Variants in PCDHGA4 observed in about 807,000 individuals in gnomAD.
PCDHGA4 encodes the protein protocadherin gamma-A4.
PCDHGA4 carries 38 observed loss-of-function variants against 54.6 expected under a neutral mutation model. That is an observed-to-expected ratio of 0.70 (90% CI 0.54 to 0.91). The LOEUF (loss-of-function observed/expected upper bound fraction) is 0.91. PCDHGA4 is among the 40% of genes least tolerant of loss of function. The probability of loss-of-function intolerance (pLI) is 0.00; values close to 1 mark genes in which losing one functional copy is unlikely to be tolerated. For missense variants in PCDHGA4, 1,298 were observed against 1,220.9 expected (o/e 1.06, Z -0.94); for synonymous variants, 511 against 512.9 (o/e 1.00, Z 0.05).
chr5:141,482,753 G>A (rs2154579665), intron 1 of PCDHGA4, among the ~76,000 whole-genome samples: 1 of 127,136 alleles, frequency 7.9e-6, no homozygotes. Context: ...GAGGGATTAT[G>A]GTATTTCATT....
chr5:141,478,038 G>A lies in PCDHGA4; in HGVS notation c.2515-16769G>A, dbSNP rs1401384720. ...CCAGTCCAAGACACAGATTCACCCA[G>A]GCAGACTCTCACGGTCTTGATCAAA... On this transcript the variant is annotated intron_variant, in intron 1 of 3. Transcript: ENST00000571252. 8 of 1,614,006 alleles carry A rather than the reference G, an allele frequency of 5.0e-6. No homozygotes were observed. In the African/African-American group the frequency reaches 1.1e-4, roughly 22 times the overall value.
chr5:141,415,585 C>G (rs1589974529), intron 1 of PCDHGA4: 5 of 1,613,900 alleles, frequency 3.1e-6, no homozygotes, highest in Non-Finnish European at 3.4e-6. Context: ...TTCGAAGTTT[C>G]CTATAGAGGA....
chr5:141,415,752 T>G lies in PCDHGA4; in HGVS notation c.2514+58131T>G, dbSNP rs981275270. ...GATGTTTATTAAGGTTTTTTTTTTT[T>G]TTTTTTTTTTTTTTTTTTTTACTTT... On this transcript the variant is annotated intron_variant, in intron 1 of 3. Transcript: ENST00000571252. 5.6e-5 allele frequency: 77 copies of G among 1,372,446 alleles called. No individual in the cohort carries two copies. In the East Asian group the frequency reaches 6.8e-4, roughly 12 times the overall value. 85.0% of individuals were successfully genotyped at this position (1,372,446 alleles called of 1,614,324 possible).
At chr5:141,386,031 T>C (rs1010302626) in intron 1 of PCDHGA4, 2 of 152,232 alleles carry the variant, frequency 1.3e-5, no homozygotes, top group Non-Finnish European at 1.5e-5. Flanking sequence ...ATTTGTGACA[T>C]AGGCAATTAC....
intron 1 of PCDHGA4, chr5:141,370,796 C>A (rs1460787163): frequency 6.2e-7 from 1 of 1,614,006 alleles, no homozygotes; most frequent in Non-Finnish European, 8.5e-7. Flanking sequence ...CGACCTTTAG[C>A]CAAAATATCA....
At chr5:141,441,196 G>C (rs575668023) in intron 1 of PCDHGA4, 2 of 152,266 alleles carry the variant, frequency 1.3e-5, no homozygotes, top group East Asian at 3.9e-4. Flanking sequence ...GATTCCCAAA[G>C]ATTCTGCACC....
In PCDHGA4 at chr5:141,375,116, C is replaced by G. The variant is rs754682469; in HGVS notation, c.2514+17495C>G. On this transcript the variant is annotated intron_variant, in intron 1 of 3. Coordinates refer to ENST00000571252, the MANE Select transcript of PCDHGA4 (RefSeq NM_018917.4). ...TATCTTGGATGTCAATGATAATGTA[C>G]CAGAAGTGGTTGTTACATCTGGAAG... 4 of 1,613,768 alleles carry G rather than the reference C, an allele frequency of 2.5e-6. No individual in the cohort carries two copies. The highest frequency in any genetic ancestry group is 3.4e-6 in the Non-Finnish European group (4 of 1,179,904).
chr5:141,490,151 T>C lies in PCDHGA4; in HGVS notation c.2515-4656T>C, dbSNP rs1449636059. The stretch of plus-strand genomic sequence containing the variant: ...GACCCTAGCAGTGGGGCAATCCATG[T>C]GTTGGGTCCCATAGACTTTGAGGAG... On this transcript the variant is annotated intron_variant, in intron 1 of 3. Transcript: ENST00000571252. The surrounding 1 kb of genome is among the most constrained non-coding windows in gnomAD (Gnocchi z 5.4). 4 of 1,614,210 alleles carry C rather than the reference T, an allele frequency of 2.5e-6. No homozygotes were observed. The highest frequency in any genetic ancestry group is 3.4e-6 in the Non-Finnish European group (4 of 1,180,018).
At chr5:141,403,501 G>A in intron 1 of PCDHGA4, 1 of 1,614,048 alleles carries the variant, frequency 6.2e-7, no homozygotes, top group South Asian at 1.1e-5. Context: ...TGAACGTGCA[G>A]ACTGGAGACA....
rs1760166144 is a variant in PCDHGA4, at chr5:141,356,248, A to T, written c.1141A>T (p.Thr381Ser). Residue 381 changes from threonine to serine, a missense_variant, in exon 1 of 4, where the codon ACA (threonine) becomes TCA (serine). Physicochemically the swap from Thr to Ser is moderately conservative, Grantham distance 58 (BLOSUM62 1). Coordinates refer to ENST00000571252, the MANE Select transcript of PCDHGA4 (RefSeq NM_018917.4). The part of the protein sequence containing the change: ...ENDNAPEVTV[T>S]SLTSSVQESS... The stretch of plus-strand genomic sequence containing the variant: ...TGACAACGCACCAGAAGTCACAGTT[A>T]CATCTCTCACCAGCTCAGTCCAGGA... 6.3e-7 allele frequency: 1 copy of T among 1,577,062 alleles called. No homozygotes were observed. Among genetic ancestry groups the T allele is most frequent in the Non-Finnish European group, 8.6e-7 (1 of 1,160,632 alleles).
intron 1 of PCDHGA4, chr5:141,374,277 G>C: frequency 1.2e-6 from 2 of 1,613,958 alleles, no homozygotes; most frequent in African/African-American, 1.3e-5. Context: ...CACGGAGTCC[G>C]CATCGTCTCC....
intron 1 of PCDHGA4, among the ~76,000 whole-genome samples, chr5:141,467,055 C>CTTT (rs1193465269): frequency 2.2e-5 from 3 of 134,494 alleles, no homozygotes; most frequent in Admixed American, 7.5e-5. Context: ...TCAATGTTTT[C>CTTT]TTTTTTTTTT....
At chr5:141,381,893 G>C (rs1777730137) in intron 1 of PCDHGA4, among the ~76,000 whole-genome samples, 1 of 121,222 alleles carries the variant, frequency 8.2e-6, no homozygotes, top group African/African-American at 3.2e-5. Context: ...GCAATGGTGT[G>C]ATCTCGGCTC....
In PCDHGA4 at chr5:141,383,143, G is replaced by T. The variant is rs371358932; in HGVS notation, c.2514+25522G>T. 1.9e-5 allele frequency: 30 copies of T among 1,614,090 alleles called. No homozygotes were observed. The African/African-American group carries it at 3.1e-4, about 16-fold the overall frequency. ...GCTTTTCGCCCTGAACCAGCGCAGC[G>T]GCAGCTTGGTCACTGCGGGCAGGAT... On this transcript the variant is annotated intron_variant, in intron 1 of 3. Coordinates refer to ENST00000571252, the MANE Select transcript of PCDHGA4 (RefSeq NM_018917.4).
rs1373026083 is a variant in PCDHGA4 at position 141,355,443 on chromosome 5, C to A, written c.336C>A (p.Ser112Arg). ...AGCTTTTCGCCCTGAACCCGCGCAG[C>A]GGCACCTTGGTCACCGCGGGTAGGA... ...RTQLFALNPR[S>R]GTLVTAGRID... Residue 112 changes from serine (S) to arginine (R), a missense_variant, in exon 1 of 4, where the codon AGC becomes AGA. Ser to Arg is a moderately radical substitution (Grantham distance 110). Coordinates refer to ENST00000571252, the MANE Select transcript of PCDHGA4 (RefSeq NM_018917.4). 1 of 1,614,076 alleles carries A rather than the reference C, an allele frequency of 6.2e-7. No individual in the cohort carries two copies. The highest frequency in any genetic ancestry group is 8.5e-7 in the Non-Finnish European group (1 of 1,179,916).
rs1175280816 is a variant in PCDHGA4 at position 141,511,121 on chromosome 5, C to T, written c.2837C>T (p.Pro946Leu). 2 of 1,614,102 alleles carry T rather than the reference C, an allele frequency of 1.2e-6. No homozygotes were observed. Among genetic ancestry groups the T allele is most frequent in the African/African-American group, 1.3e-5 (1 of 74,938 alleles). Residue 946 changes from proline (P) to leucine (L), a missense_variant, in exon 4 of 4, where the codon CCA becomes CTA. Transcript: ENST00000571252. ...GCTGGCAAGCGGGATGGCAAGGCCCCAGCAGGTGGCAATGGCAACAAGAAG... is the reference window on the plus strand; with the variant it reads ...GCTGGCAAGCGGGATGGCAAGGCCCTAGCAGGTGGCAATGGCAACAAGAAG... ...NAAGKRDGKA[P>L]AGGNGNKKKS...
intron 1 of PCDHGA4, chr5:141,383,856 T>C (rs1307177086): frequency 6.2e-7 from 1 of 1,613,964 alleles, no homozygotes; most frequent in Admixed American, 1.7e-5. Flanking sequence ...AAATGGAGGT[T>C]CAGGCTCAAG....
At chr5:141,385,186 T>C in intron 1 of PCDHGA4, 1 of 1,614,218 alleles carries the variant, frequency 6.2e-7, no homozygotes. Context: ...CACCGCGGAC[T>C]CTCGGAAGAG....
intron 1 of PCDHGA4, chr5:141,414,594 C>T: frequency 1.2e-6 from 2 of 1,613,952 alleles, no homozygotes; most frequent in Non-Finnish European, 1.7e-6. Flanking sequence ...CCAGGGGTGC[C>T]TCCATCTTCT....
Sources: allele counts gnomAD v4.1 joint callset (sites outside exome capture counted in the v4.1 genomes callset), GRCh38; gene constraint gnomAD v4.1.1; non-coding constraint Gnocchi (gnomAD v3.1); transcripts MANE v1.5; gene names NCBI Gene and HGNC (gene_info 2026-07-23, HGNC 2026-07-21).